Variants in RAP1GDS1 observed in about 807,000 individuals in gnomAD.
The protein encoded by RAP1GDS1 is Rap1 GTPase-GDP dissociation stimulator 1.
Under a neutral mutation model 71.1 loss-of-function variants are expected in RAP1GDS1, and 35 were observed. That is an observed-to-expected ratio of 0.49 (90% CI 0.38 to 0.65). The LOEUF (loss-of-function observed/expected upper bound fraction) is 0.65, where lower values mean the gene tolerates loss of function less well. RAP1GDS1 is among the 30% of genes least tolerant of loss of function. The pLI is 0.00. For synonymous variants in RAP1GDS1, 229 were observed against 243.1 expected, an observed-to-expected ratio of 0.94 and a Z score of 0.54; for missense variants, 663 against 706.1, an observed-to-expected ratio of 0.94 and a Z score of 0.69.
At chr4:98,315,931 T>C (rs1299553213) in intron 2 of RAP1GDS1, among the ~76,000 whole-genome samples, 1 of 152,056 alleles carries the variant, frequency 6.6e-6, no homozygotes, top group Non-Finnish European at 1.5e-5. Flanking sequence ...AATAAATCTT[T>C]AGAGTTCCAG....
intron 6 of RAP1GDS1, among the ~76,000 whole-genome samples, chr4:98,400,664 G>A (rs1201156696): frequency 6.6e-6 from 1 of 151,854 alleles, no homozygotes; most frequent in African/African-American, 2.4e-5. Flanking sequence ...CTGTACCATT[G>A]TAGGATAACT....
At chr4:98,378,152 G>T (rs1578652367) in intron 4 of RAP1GDS1, among the ~76,000 whole-genome samples, 1 of 151,818 alleles carries the variant, frequency 6.6e-6, no homozygotes, top group East Asian at 1.9e-4. Context: ...CTAGAGGGTG[G>T]TTATATTTTA....
At chr4:98,336,903 G>A (rs113204942) in intron 2 of RAP1GDS1, among the ~76,000 whole-genome samples, 1,899 of 151,476 alleles carry the variant, frequency 0.013, 42 homozygotes, top group African/African-American at 0.044. Context: ...TTTTGTTTTT[G>A]TTTTTTCTTG....
chr4:98,348,837 G>C (rs1487381406), intron 3 of RAP1GDS1, among the ~76,000 whole-genome samples: 1 of 151,912 alleles, frequency 6.6e-6, no homozygotes, highest in Non-Finnish European at 1.5e-5. Context: ...TTGTAAATTT[G>C]TTTGAGTTCT....
chr4:98,276,513 A>G (rs1724224240), intron 1 of RAP1GDS1, among the ~76,000 whole-genome samples: 1 of 151,196 alleles, frequency 6.6e-6, no homozygotes, highest in Non-Finnish European at 1.5e-5. Flanking sequence ...TGAGTAAAAG[A>G]GAATATTTTT....
chr4:98,430,568 G>A (rs1194572145), intron 12 of RAP1GDS1, among the ~76,000 whole-genome samples: 1 of 151,968 alleles, frequency 6.6e-6, no homozygotes, highest in Non-Finnish European at 1.5e-5. Context: ...TTTTTTCTTT[G>A]CCTTTGAGAT....
intron 2 of RAP1GDS1, among the ~76,000 whole-genome samples, chr4:98,306,397 GA>G (rs1218410346): frequency 3.3e-5 from 5 of 152,154 alleles, no homozygotes; most frequent in Non-Finnish European, 1.5e-5. Flanking sequence ...GAAGGAGAGC[GA>G]GAGAGCGAGG....
At chr4:98,401,348 A>G (rs1745376920) in intron 6 of RAP1GDS1, among the ~76,000 whole-genome samples, 1 of 152,388 alleles carries the variant, frequency 6.6e-6, no homozygotes, top group African/African-American at 2.4e-5. Context: ...AACTAGTGAT[A>G]TAAACAAAAT....
At position 98,436,849 on chromosome 4, in the gene RAP1GDS1, T is replaced by C. The variant is rs1220664118; in HGVS notation, c.1568-91T>C. 3.9e-6 allele frequency: 5 copies of C among 1,298,632 alleles called. No homozygotes were observed. In the African/African-American group the frequency reaches 7.5e-5, roughly 19 times the overall value. 80.4% of individuals were successfully genotyped at this position (1,298,632 alleles called of 1,614,324 possible). On this transcript the variant is annotated intron_variant, in intron 13 of 14. Transcript: ENST00000408927. Reference sequence around the variant, plus strand: ...TTATTTATCAGTTCCATTTAGAAGGTTTCGTATGGTCAATTTCTTCAAAAT... The same window carrying C: ...TTATTTATCAGTTCCATTTAGAAGGCTTCGTATGGTCAATTTCTTCAAAAT...
chr4:98,336,439 A>G (rs1734731719), intron 2 of RAP1GDS1, among the ~76,000 whole-genome samples: 1 of 152,150 alleles, frequency 6.6e-6, no homozygotes, highest in African/African-American at 2.4e-5. Flanking sequence ...TCCCACTCCC[A>G]CATCCTACAT....
chr4:98,343,291 G>A, intron 3 of RAP1GDS1, 30 bp downstream of exon 3: 1 of 1,559,698 alleles, frequency 6.4e-7, no homozygotes. Context: ...CTTTTCTGCT[G>A]GGAACGTCTT....
At position 98,422,101 on chromosome 4, in the gene RAP1GDS1, G is replaced by A. The variant is rs544673158; in HGVS notation, c.1440+707G>A. Among the ~76,000 whole-genome samples, 12 of 152,096 alleles carry A rather than the reference G, an allele frequency of 7.9e-5. No individual in the cohort carries two copies. In the South Asian group the frequency reaches 2.1e-3, roughly 26 times the overall value. On this transcript the variant is annotated intron_variant, in intron 12 of 14. Coordinates refer to ENST00000408927, the MANE Select transcript of RAP1GDS1 (RefSeq NM_001100427.2). ...TGTAGTCCCAGCTACTCGGGAGGCTGAGGCAGGAGAATGGCGTGAACCCGG... is the reference window on the plus strand; with the variant it reads ...TGTAGTCCCAGCTACTCGGGAGGCTAAGGCAGGAGAATGGCGTGAACCCGG...
intron 6 of RAP1GDS1, among the ~76,000 whole-genome samples, chr4:98,401,786 G>A (rs1248497744): frequency 1.3e-5 from 2 of 152,034 alleles, no homozygotes; most frequent in Non-Finnish European, 2.9e-5. Context: ...TATTAATAAT[G>A]GTGCATAATT....
chr4:98,277,057 C>T (rs890815538), intron 1 of RAP1GDS1, among the ~76,000 whole-genome samples: 3 of 152,126 alleles, frequency 2.0e-5, no homozygotes, highest in Non-Finnish European at 4.4e-5. Context: ...AACTCCTATA[C>T]TAGTGTTCTT....
At chr4:98,441,856 A>C in intron 14 of RAP1GDS1, 134 bp from the exon 15 acceptor site, 1 of 935,420 alleles carries the variant, frequency 1.1e-6, no homozygotes, top group Non-Finnish European at 1.5e-6. Context: ...TTGCTAGGCT[A>C]CTGCTATGTC....
chr4:98,392,179 G>C (rs1578706422), intron 6 of RAP1GDS1, 99 bp downstream of exon 6: 2 of 1,125,908 alleles, frequency 1.8e-6, no homozygotes, highest in East Asian at 5.4e-5. Flanking sequence ...CATTTAGATT[G>C]TATTAGTTTA....
chr4:98,409,714 G>T (rs1041622985), intron 7 of RAP1GDS1: 1 of 448,214 alleles, frequency 2.2e-6, no homozygotes, highest in South Asian at 1.9e-5. Flanking sequence ...GAGAACAAAC[G>T]GAAGGGGCCT....
chr4:98,402,456 G>GA (rs752808922), intron 6 of RAP1GDS1, among the ~76,000 whole-genome samples: 1 of 152,202 alleles, frequency 6.6e-6, no homozygotes, highest in African/African-American at 2.4e-5. Flanking sequence ...TATCTTATTG[G>GA]AAAAGACACC....
intron 7 of RAP1GDS1, among the ~76,000 whole-genome samples, chr4:98,411,242 G>A (rs932001634): frequency 6.6e-6 from 1 of 152,242 alleles, no homozygotes. Flanking sequence ...AATTAAGGTA[G>A]TTTAAGCCTC....
Sources: gnomAD v4.1 joint callset for allele counts (sites outside exome capture counted in the v4.1 genomes callset) on GRCh38, gnomAD v4.1.1 for gene constraint, MANE v1.5 for transcripts, NCBI Gene and HGNC (gene_info 2026-07-23, HGNC 2026-07-21) for gene names.